Variants in ARHGAP15 observed in about 807,000 individuals in gnomAD.
The protein encoded by ARHGAP15 is rho GTPase-activating protein 15.
A neutral mutation model predicts 63.7 loss-of-function variants in ARHGAP15; 51 were observed. That is an observed-to-expected ratio of 0.80 (90% CI 0.64 to 1.01). The LOEUF (loss-of-function observed/expected upper bound fraction) is 1.01, where lower values mean the gene tolerates loss of function less well. ARHGAP15 is among the 50% of genes least tolerant of loss of function. The probability of loss-of-function intolerance (pLI) is 0.00; values close to 1 mark genes in which losing one functional copy is unlikely to be tolerated. For synonymous variants in ARHGAP15, 191 were observed against 193.8 expected, an observed-to-expected ratio of 0.99 and a Z score of 0.12; for missense variants, 560 against 564.6, an observed-to-expected ratio of 0.99 and a Z score of 0.08.
At chr2:143,465,373 G>A (rs1691148799) in intron 8 of ARHGAP15, among the ~76,000 whole-genome samples, 1 of 152,148 alleles carries the variant, frequency 6.6e-6, no homozygotes, top group South Asian at 2.1e-4. Flanking sequence ...CTAAATCATA[G>A]CAAAGTAAGG....
At chr2:143,502,539 G>A (rs1381000671) in intron 9 of ARHGAP15, among the ~76,000 whole-genome samples, 1 of 152,064 alleles carries the variant, frequency 6.6e-6, no homozygotes, top group Non-Finnish European at 1.5e-5. Context: ...ACTACCCAAA[G>A]CCTAGAGGAA....
intron 12 of ARHGAP15, among the ~76,000 whole-genome samples, chr2:143,667,996 C>T (rs1682315407): frequency 6.6e-6 from 1 of 151,218 alleles, no homozygotes; most frequent in Non-Finnish European, 1.5e-5. Context: ...TCAAAAAATA[C>T]ATATATAAAA....
intron 11 of ARHGAP15, among the ~76,000 whole-genome samples, chr2:143,574,861 A>C (rs997678854): frequency 5.3e-5 from 8 of 152,192 alleles, no homozygotes; most frequent in Non-Finnish European, 1.2e-4. Flanking sequence ...TTTGCAGTGT[A>C]AACCTCTTTG....
chr2:143,703,466 C>T lies in ARHGAP15; in HGVS notation c.1186C>T (p.Gln396Ter). 6.2e-7 allele frequency: 1 copy of T among 1,612,310 alleles called. No homozygotes were observed. Among genetic ancestry groups the T allele is most frequent in the Non-Finnish European group, 8.5e-7 (1 of 1,179,276 alleles). The change falls in exon 13 of 14, where the codon CAA becomes TAA. Residue 396 changes from glutamine to a stop codon, truncating the protein, a stop_gained. Transcript: ENST00000295095. LOFTEE classifies it high-confidence loss of function. Reference protein sequence around the residue: ...TRIEAVKSLVQKLPPPNRDTM... With the variant: ...TRIEAVKSLV ...AATTGAAGCTGTAAAATCTCTTGTA[C>T]AAAAACTCCCTCCGCCAAATCGTGA...
At chr2:143,488,771 C>T (rs546744833) in intron 9 of ARHGAP15, among the ~76,000 whole-genome samples, 4 of 152,312 alleles carry the variant, frequency 2.6e-5, no homozygotes, top group South Asian at 2.1e-4. Flanking sequence ...AATTAGCTAG[C>T]ACTTTGAACC....
At position 143,496,724 on chromosome 2, in the gene ARHGAP15, G is replaced by A. The variant is rs533869861; in HGVS notation, c.826+9229G>A. 4.6e-5 allele frequency among the ~76,000 whole-genome samples: 7 copies of A among 152,238 alleles called. No homozygotes were observed. In the East Asian group the frequency reaches 1.3e-3, roughly 29 times the overall value. On this transcript the variant is annotated intron_variant, in intron 9 of 13. Coordinates refer to ENST00000295095, the MANE Select transcript of ARHGAP15 (RefSeq NM_018460.4). ...GATGTTTCCCTTTTCTCAAGTAAAA[G>A]AAATGCCAGATAATACCAGGCTTCA...
At chr2:143,177,947 G>T (rs950725316) in intron 2 of ARHGAP15, among the ~76,000 whole-genome samples, 1 of 152,064 alleles carries the variant, frequency 6.6e-6, no homozygotes, top group Non-Finnish European at 1.5e-5. Context: ...CTTAATATGT[G>T]TTATTAAAAT....
intron 12 of ARHGAP15, among the ~76,000 whole-genome samples, chr2:143,668,074 G>T (rs993370062): frequency 6.6e-6 from 1 of 151,834 alleles, no homozygotes; most frequent in Non-Finnish European, 1.5e-5. Flanking sequence ...AAGGAGAAAG[G>T]GTTGAAGCAT....
chr2:143,656,335 C>T (rs1285740349), intron 12 of ARHGAP15, among the ~76,000 whole-genome samples: 1 of 152,158 alleles, frequency 6.6e-6, no homozygotes, highest in Non-Finnish European at 1.5e-5. Flanking sequence ...GTGATGCTCC[C>T]GGTTTAGTTA....
chr2:143,166,912 T>A (rs1265924369), intron 2 of ARHGAP15, among the ~76,000 whole-genome samples: 1 of 152,132 alleles, frequency 6.6e-6, no homozygotes, highest in Non-Finnish European at 1.5e-5. Context: ...GTTAGATTTA[T>A]AATGCCTCTT....
intron 8 of ARHGAP15, among the ~76,000 whole-genome samples, chr2:143,468,661 AGAGTGTGT>A (rs1413081196): frequency 6.0e-5 from 8 of 133,744 alleles, no homozygotes; most frequent in Non-Finnish European, 8.2e-5. Context: ...AGAGAGAGAG[AGAGTGTGT>A]GTGTGTGTGT....
chr2:143,200,316 G>A (rs150973278), intron 2 of ARHGAP15, among the ~76,000 whole-genome samples: 16 of 151,660 alleles, frequency 1.1e-4, no homozygotes, highest in African/African-American at 3.9e-4. Context: ...AGTTTTCCTA[G>A]AGCAAATGTG....
At chr2:143,661,919 A>G (rs1290881274) in intron 12 of ARHGAP15, among the ~76,000 whole-genome samples, 1 of 152,164 alleles carries the variant, frequency 6.6e-6, no homozygotes, top group Admixed American at 6.5e-5. Flanking sequence ...GGAGGGTCCT[A>G]CGCCCACAGA....
chr2:143,621,275 G>T (rs1427367816), intron 11 of ARHGAP15, among the ~76,000 whole-genome samples: 1 of 152,140 alleles, frequency 6.6e-6, no homozygotes, highest in Non-Finnish European at 1.5e-5. Context: ...TTAGAAAAGG[G>T]AAAAGTATAA....
chr2:143,761,899 A>G (rs1477504410), intron 13 of ARHGAP15, among the ~76,000 whole-genome samples: 1 of 151,974 alleles, frequency 6.6e-6, no homozygotes, highest in Non-Finnish European at 1.5e-5. Context: ...CTGTTAGAAA[A>G]CTGAATTCTT....
At chr2:143,506,248 A>T (rs1200233766) in intron 9 of ARHGAP15, among the ~76,000 whole-genome samples, 1 of 152,210 alleles carries the variant, frequency 6.6e-6, no homozygotes, top group East Asian at 1.9e-4. Flanking sequence ...ACTGAATGAC[A>T]CTTCCAGCTT....
intron 6 of ARHGAP15, chr2:143,351,325 T>A (rs1335246285): frequency 1.3e-5 from 2 of 152,190 alleles, no homozygotes. Flanking sequence ...AGGCACATTC[T>A]TCTACTGGGT....
chr2:143,759,275 A>G lies in ARHGAP15; in HGVS notation c.1245-8714A>G, dbSNP rs547389402. Among the ~76,000 whole-genome samples the G allele has an allele frequency of 1.3e-4, 20 of 152,260 alleles. No homozygotes were observed. In the South Asian group the frequency reaches 3.9e-3, roughly 30 times the overall value. ...ACTCCAAAATGTGGAGGAAGAGTACATGGGAAGGTTTTATTTATTTATCTC... is the reference window on the plus strand; with the variant it reads ...ACTCCAAAATGTGGAGGAAGAGTACGTGGGAAGGTTTTATTTATTTATCTC... On this transcript the variant is annotated intron_variant, in intron 13 of 13. Transcript: ENST00000295095.
intron 2 of ARHGAP15, 32 bp downstream of exon 2, chr2:143,155,687 C>G: frequency 6.6e-7 from 1 of 1,508,116 alleles, no homozygotes; most frequent in South Asian, 1.3e-5. Flanking sequence ...TCCCAAGTTC[C>G]TTGTCATACA....
Sources: gnomAD v4.1 joint callset for allele counts (sites outside exome capture counted in the v4.1 genomes callset) on GRCh38, gnomAD v4.1.1 for gene constraint, MANE v1.5 for transcripts, NCBI Gene and HGNC (gene_info 2026-07-23, HGNC 2026-07-21) for gene names.